CNTN3: variants seen among roughly 807,000 people sequenced by gnomAD.
CNTN3 encodes the protein contactin-3.
CNTN3 carries 60 observed loss-of-function variants against 119.1 expected under a neutral mutation model. That is an observed-to-expected ratio of 0.50 (90% CI 0.41 to 0.62). The LOEUF is 0.62. CNTN3 is among the 20% of genes least tolerant of loss of function. The pLI, the probability that CNTN3 is intolerant of heterozygous loss-of-function variation, is 0.00. For missense variants in CNTN3, 1,101 were observed against 1,242.4 expected, an observed-to-expected ratio of 0.89 and a Z score of 1.71; for synonymous variants, 450 against 438.7, an observed-to-expected ratio of 1.03 and a Z score of -0.32.
At chr3:74,586,174 A>T (rs576322317) in intron 1 of CNTN3, among the ~76,000 whole-genome samples, 1 of 152,284 alleles carries the variant, frequency 6.6e-6, no homozygotes, top group Admixed American at 6.5e-5. Flanking sequence ...AGCCCCAGGC[A>T]ATTATTTTTC....
At chr3:74,602,095 A>T (rs1105018) in intron 1 of CNTN3, among the ~76,000 whole-genome samples, 29,646 of 151,628 alleles carry the variant, frequency 0.2, 5,378 homozygotes, top group African/African-American at 0.47. Context: ...GGATCATTTC[A>T]GCCCCAGAGT....
At chr3:74,364,261 G>T in intron 10 of CNTN3, among the ~76,000 whole-genome samples, 1 of 152,050 alleles carries the variant, frequency 6.6e-6, no homozygotes, top group Middle Eastern at 3.4e-3. Context: ...CTTAACCCTT[G>T]GTCCTCAATT....
At chr3:74,349,822 C>T (rs1703773730) in intron 11 of CNTN3, among the ~76,000 whole-genome samples, 1 of 151,980 alleles carries the variant, frequency 6.6e-6, no homozygotes, top group Admixed American at 6.6e-5. Flanking sequence ...TGCTGTATGA[C>T]CAAAAGAATA....
At position 74,602,295 on chromosome 3, in the gene CNTN3, C is replaced by CAA. The variant is rs1167052275; in HGVS notation, c.-81+12094_-81+12095dup. The stretch of plus-strand genomic sequence containing the variant: ...CAGGCCACAGAGCAAGACCTGGTCT[C>CAA]AAAAAAAAAAAAAAAAAAAAAAAAA... On this transcript the variant is annotated intron_variant, in intron 1 of 22. Transcript: ENST00000263665. 1.7e-3 allele frequency among the ~76,000 whole-genome samples: 34 copies of CAA among 19,668 alleles called. 2 individuals carry two copies. Among genetic ancestry groups the CAA allele is most frequent in the South Asian group, 3.5e-3 (2 of 564 alleles). 12.9% of individuals were successfully genotyped at this position (19,668 alleles called of 152,430 possible). A position where few individuals can be genotyped will look rare whatever the true frequency, so the allele number is the denominator to read the frequency against.
rs150013349 is a variant in CNTN3 at position 74,416,713 on chromosome 3, C to T, written c.454+8132G>A. ...ATCAGAAAGCAACTGACCAGCTGGG[C>T]GCAGTGGCTCACACCTGTAATCCCA... is the stretch of plus-strand genomic sequence containing the variant. On this transcript the variant is annotated intron_variant, in intron 5 of 22. Coordinates refer to ENST00000263665, the MANE Select transcript of CNTN3 (RefSeq NM_020872.3). Among the ~76,000 whole-genome samples, 324 of 152,180 alleles carry T rather than the reference C, an allele frequency of 2.1e-3. 1 individual carries two copies. Among genetic ancestry groups the T allele is most frequent in the East Asian group, 0.01 (54 of 5,182 alleles).
At chr3:74,424,474 C>CAGAGAGAGAGAGAGAGAGAGAGAG (rs71625974) in intron 5 of CNTN3, among the ~76,000 whole-genome samples, 3 of 142,440 alleles carry the variant, frequency 2.1e-5, no homozygotes, top group Non-Finnish European at 4.6e-5. Context: ...GTGTGTGTGA[C>CAGAGAGAGAGAGAGAGAGAGAGAG]AGAGAGAGAG....
intron 1 of CNTN3, among the ~76,000 whole-genome samples, chr3:74,531,326 C>G (rs139377097): frequency 6.6e-6 from 1 of 151,934 alleles, no homozygotes; most frequent in Non-Finnish European, 1.5e-5. Flanking sequence ...GAGAAGAACT[C>G]CCATAACAGG....
chr3:74,441,977 T>C (rs1215534315), intron 4 of CNTN3, among the ~76,000 whole-genome samples: 1 of 152,146 alleles, frequency 6.6e-6, no homozygotes, highest in African/African-American at 2.4e-5. Context: ...ATTTCATTTT[T>C]TGCATAACTA....
At chr3:74,305,794 C>G (rs1313005757) in intron 13 of CNTN3, among the ~76,000 whole-genome samples, 3 of 151,048 alleles carry the variant, frequency 2.0e-5, no homozygotes, top group Non-Finnish European at 4.4e-5. Flanking sequence ...TGAATGTGCT[C>G]ATTTTGTGAA....
chr3:74,530,081 C>T (rs1641451950), intron 1 of CNTN3, among the ~76,000 whole-genome samples: 1 of 151,988 alleles, frequency 6.6e-6, no homozygotes, highest in South Asian at 2.1e-4. Context: ...CACTGCATGC[C>T]TGCAGCATGT....
At chr3:74,429,802 G>A (rs1258025407) in intron 4 of CNTN3, among the ~76,000 whole-genome samples, 3 of 152,012 alleles carry the variant, frequency 2.0e-5, no homozygotes, top group South Asian at 2.1e-4. Context: ...TAAAACATAC[G>A]ATTCCATTAG....
intron 5 of CNTN3, among the ~76,000 whole-genome samples, chr3:74,424,406 T>C (rs13099342): frequency 5.1e-4 from 76 of 148,496 alleles, no homozygotes; most frequent in Middle Eastern, 7.2e-3. Flanking sequence ...TATATATATA[T>C]ATATAAAATA....
intron 20 of CNTN3, among the ~76,000 whole-genome samples, chr3:74,273,962 T>G (rs1317166040): frequency 6.6e-6 from 1 of 152,062 alleles, no homozygotes; most frequent in African/African-American, 2.4e-5. Flanking sequence ...TTTTTTGCTG[T>G]CAGTGGGGGC....
Position 74,301,444 on chromosome 3 carries a change from A to G in CNTN3, c.2049T>C (p.Gly683=). Residue 683 remains glycine, a synonymous_variant, in exon 16 of 23, where the codon GGT becomes GGC. Coordinates refer to ENST00000263665, the MANE Select transcript of CNTN3 (RefSeq NM_020872.3). ...FRVVASNKIG[G]GEPSLPSEKV... is the part of the protein sequence containing the mutation. Reference sequence around the variant, plus strand: ...TTTCTGAGGGTAAACTTGGTTCTCCACCTCCAATTTTGTTACTGGCTACAA... The same window carrying G: ...TTTCTGAGGGTAAACTTGGTTCTCCGCCTCCAATTTTGTTACTGGCTACAA... 1 of 1,613,964 alleles carries G rather than the reference A, an allele frequency of 6.2e-7. No homozygotes were observed. Among genetic ancestry groups the G allele is most frequent in the Non-Finnish European group, 8.5e-7 (1 of 1,179,968 alleles).
intron 5 of CNTN3, among the ~76,000 whole-genome samples, chr3:74,392,687 A>G (rs1263168169): frequency 6.6e-6 from 1 of 152,188 alleles, no homozygotes; most frequent in African/African-American, 2.4e-5. Context: ...ACACACAAAC[A>G]TATATTAGAA....
At chr3:74,584,169 T>A (rs1411958017) in intron 1 of CNTN3, among the ~76,000 whole-genome samples, 2 of 152,234 alleles carry the variant, frequency 1.3e-5, no homozygotes, top group Non-Finnish European at 2.9e-5. Flanking sequence ...GTGATTTTTT[T>A]ATTTGTATTT....
chr3:74,579,829 C>T (rs138696355), intron 1 of CNTN3, among the ~76,000 whole-genome samples: 1,534 of 152,118 alleles, frequency 0.01, 11 homozygotes, highest in Admixed American at 0.016. Flanking sequence ...AATCAACAAT[C>T]GGAGCTCTCG....
At position 74,295,096 on chromosome 3, in the gene CNTN3, A is replaced by G. The variant is rs757292860; in HGVS notation, c.2517+25T>C. The G allele has an allele frequency of 6.2e-6, 9 of 1,448,486 alleles. No individual in the cohort carries two copies. The Admixed American group carries it at 6.7e-5, about 11-fold the overall frequency. The allele number at this position is 1,448,486 out of a possible 1,614,324, so 89.7% of individuals were successfully genotyped here. A position where few individuals can be genotyped will look rare whatever the true frequency, so the allele number is the denominator to read the frequency against. On this transcript the variant is annotated intron_variant, in intron 19 of 22. Coordinates refer to ENST00000263665, the MANE Select transcript of CNTN3 (RefSeq NM_020872.3). ...CAAAGTGGCACGGTAACACACATAC[A>G]CAATTTAATCGGAAAAGAAATTACC... is the stretch of plus-strand genomic sequence containing the variant.
intron 13 of CNTN3, among the ~76,000 whole-genome samples, chr3:74,310,999 G>T (rs186085889): frequency 6.6e-6 from 1 of 152,312 alleles, no homozygotes; most frequent in Admixed American, 6.5e-5. Context: ...TGAGTTTAGG[G>T]TATTTATTCG....
Sources: allele counts gnomAD v4.1 joint callset (sites outside exome capture counted in the v4.1 genomes callset), GRCh38; gene constraint gnomAD v4.1.1; transcripts MANE v1.5; gene names NCBI Gene and HGNC (gene_info 2026-07-23, HGNC 2026-07-21).